The following PDE12 variants were observed in gnomAD, a reference collection of about 807,000 sequenced individuals.
PDE12 encodes phosphodiesterase 12.
A neutral mutation model predicts 45.4 loss-of-function variants in PDE12; 26 were observed. That is an observed-to-expected ratio of 0.57 (90% CI 0.42 to 0.79). PDE12 has a LOEUF of 0.79. Ranked by LOEUF, PDE12 falls within the 30% of genes least tolerant of loss-of-function variation. The pLI, the probability that PDE12 is intolerant of heterozygous loss-of-function variation, is 0.00. For missense variants in PDE12, 668 were observed against 790.0 expected (o/e 0.85, Z 1.85); for synonymous variants, 283 against 323.9 (o/e 0.87, Z 1.36).
intron 1 of PDE12, among the ~76,000 whole-genome samples, chr3:57,558,539 G>A (rs1222912182): frequency 1.4e-5 from 2 of 142,960 alleles, no homozygotes; most frequent in African/African-American, 5.1e-5. Flanking sequence ...CACCTAGGCT[G>A]GAGTACGGTG....
the PDE12 span, among the ~76,000 whole-genome samples, chr3:57,604,070 C>A: frequency 4.6e-5 from 7 of 151,778 alleles, no homozygotes; most frequent in Admixed American, 3.9e-4. Flanking sequence ...ATTACAGGCG[C>A]CTGCCACCAC....
At chr3:57,641,822 C>T in the PDE12 span, 2 of 1,213,598 alleles carry the variant, frequency 1.6e-6, no homozygotes, top group Non-Finnish European at 2.3e-6. Context: ...GAATAGTTTA[C>T]TTTTTTTTTC....
chr3:57,626,187 A>G, the PDE12 span: 1 of 152,630 alleles, frequency 6.6e-6, no homozygotes, highest in Non-Finnish European at 1.5e-5. Context: ...GTATGCTTCA[A>G]GAGACTGTAT....
chr3:57,575,701 A>G, the PDE12 span: 1 of 1,581,568 alleles, frequency 6.3e-7, no homozygotes, highest in Non-Finnish European at 8.6e-7. Flanking sequence ...GGCATTAACA[A>G]CTACCAACCG....
the PDE12 span, among the ~76,000 whole-genome samples, chr3:57,582,744 T>TA: frequency 8.2e-6 from 1 of 121,372 alleles, no homozygotes. Context: ...ATATCACACT[T>TA]AAAAAAAATT....
the PDE12 span, among the ~76,000 whole-genome samples, chr3:57,642,841 A>G: frequency 6.6e-6 from 1 of 152,054 alleles, no homozygotes; most frequent in Admixed American, 6.6e-5. Context: ...CCCCATCTCT[A>G]CTAAAAATAC....
chr3:57,600,984 T>G, the PDE12 span: 1 of 152,184 alleles, frequency 6.6e-6, no homozygotes, highest in Admixed American at 6.5e-5. Flanking sequence ...ATTGCTATAG[T>G]TTATTGATCA....
the PDE12 span, chr3:57,633,281 C>G: frequency 1.2e-6 from 2 of 1,613,354 alleles, no homozygotes; most frequent in Non-Finnish European, 1.7e-6. Context: ...AATGATGAAA[C>G]TTTGTGTCAG....
the PDE12 span, among the ~76,000 whole-genome samples, chr3:57,575,082 T>C: frequency 6.6e-6 from 1 of 150,494 alleles, no homozygotes; most frequent in Admixed American, 6.6e-5. Context: ...ACTCCCGACC[T>C]CAGATGATCT....
At chr3:57,609,313 A>G in the PDE12 span, among the ~76,000 whole-genome samples, 1 of 152,218 alleles carries the variant, frequency 6.6e-6, no homozygotes, top group East Asian at 1.9e-4. Context: ...CCCTAACATC[A>G]CAATTGACAG....
chr3:57,574,794 G>A, the PDE12 span, among the ~76,000 whole-genome samples: 1 of 152,094 alleles, frequency 6.6e-6, no homozygotes. Context: ...GATAGTGAGA[G>A]GATTGCTTGA....
At chr3:57,584,558 A>C in the PDE12 span, 1 of 1,053,786 alleles carries the variant, frequency 9.5e-7, no homozygotes, top group South Asian at 1.5e-5. Context: ...CTAGAAGTTG[A>C]CTGTTCAAGA....
At chr3:57,579,311 CTA>C in the PDE12 span, among the ~76,000 whole-genome samples, 1 of 142,044 alleles carries the variant, frequency 7.0e-6, no homozygotes, top group African/African-American at 2.6e-5. Flanking sequence ...AAGGACTATA[CTA>C]TATCTTTTTT....
At chr3:57,559,442 G>GC (rs3832195) in intron 2 of PDE12, 54 bp downstream of exon 2, 519,580 of 1,572,278 alleles carry the variant, frequency 0.33, 92,260 homozygotes, top group African/African-American at 0.64. Flanking sequence ...GTTGTTTAAA[G>GC]TGTTTTACAC....
the PDE12 span, among the ~76,000 whole-genome samples, chr3:57,585,703 C>G: frequency 3.4e-5 from 5 of 145,968 alleles, no homozygotes; most frequent in Non-Finnish European, 7.4e-5. Context: ...CACTCTGTCA[C>G]CCAGGCTGAA....
At chr3:57,559,101 G>T (rs2069698025) in intron 1 of PDE12, among the ~76,000 whole-genome samples, 1 of 151,902 alleles carries the variant, frequency 6.6e-6, no homozygotes, top group Non-Finnish European at 1.5e-5. Context: ...CGCGCCTGTA[G>T]TCCCAGCTAC....
the PDE12 span, among the ~76,000 whole-genome samples, chr3:57,637,914 T>A: frequency 6.6e-6 from 1 of 151,838 alleles, no homozygotes; most frequent in South Asian, 2.1e-4. Context: ...GGTGAGTGGA[T>A]CACGAGGTCA....
chr3:57,630,193 T>C, the PDE12 span, among the ~76,000 whole-genome samples: 5 of 152,172 alleles, frequency 3.3e-5, no homozygotes, highest in Admixed American at 1.3e-4. Flanking sequence ...AAGTTTCCCA[T>C]GATGCAGTTC....
chr3:57,577,220 G>A, the PDE12 span: 2 of 989,598 alleles, frequency 2.0e-6, no homozygotes, highest in South Asian at 1.4e-5. Flanking sequence ...CAATCCATTT[G>A]TGTAATCTAA....
Sources: gnomAD v4.1 joint callset for allele counts (sites outside exome capture counted in the v4.1 genomes callset) on GRCh38, gnomAD v4.1.1 for gene constraint, MANE v1.5 for transcripts, NCBI Gene and HGNC (gene_info 2026-07-23, HGNC 2026-07-21) for gene names.